The following ZNF626 variants were observed in gnomAD, a reference collection of about 807,000 sequenced individuals.
ZNF626 encodes CTC-513N18.7.
Under a neutral mutation model 11.7 loss-of-function variants are expected in ZNF626, and 4 were observed. The ratio of observed to expected loss-of-function variants is 0.34; its 90% confidence interval spans 0.17 to 0.78. The LOEUF (loss-of-function observed/expected upper bound fraction) is 0.78. ZNF626 is among the 30% of genes least tolerant of loss of function. The pLI is 0.57. For missense variants in ZNF626, 588 were observed against 587.1 expected, an observed-to-expected ratio of 1.00 and a Z score of -0.01; for synonymous variants, 179 against 198.6, an observed-to-expected ratio of 0.90 and a Z score of 0.83.
rs71174720 is a variant in ZNF626 at position 20,621,124 on chromosome 19, T to TC, written c.*3165dup. The TC allele has an allele frequency of 1, 152,095 of 152,110 alleles. 76,040 individuals carry two copies. Among genetic ancestry groups the TC allele is most frequent in the Non-Finnish European group, 1 (68,266 of 68,266 alleles). 9.4% of individuals were successfully genotyped at this position (152,110 alleles called of 1,614,324 possible). A position where few individuals can be genotyped will look rare whatever the true frequency, so the allele number is the denominator to read the frequency against. On this transcript the variant is annotated 3_prime_UTR_variant, in exon 4 of 4. Coordinates refer to ENST00000601440, the MANE Select transcript of ZNF626 (RefSeq NM_001076675.3). ...CTGGGATTACAGGTGTAAGCCACTG[T>TC]CCTGGCTTTTTTCTTTCTTTTTGAG...
chr19:20,620,844 T>C lies in ZNF626; in HGVS notation c.*3446A>G. On this transcript the variant is annotated 3_prime_UTR_variant, in exon 4 of 4. Coordinates refer to ENST00000601440, the MANE Select transcript of ZNF626 (RefSeq NM_001076675.3). ...GAGGCACTGCACATGGCCGTATTTT[T>C]TCTTTTTTTTTTTGTGACGGAGTCT... 1.8e-5 allele frequency: 1 copy of C among 56,196 alleles called. No individual in the cohort carries two copies. The allele number at this position is 56,196 out of a possible 1,614,324, so 3.5% of individuals were successfully genotyped here.
chr19:20,640,246 T>C (rs1428944419), intron 3 of ZNF626, among the ~76,000 whole-genome samples: 1 of 47,818 alleles, frequency 2.1e-5, no homozygotes, highest in African/African-American at 1.8e-4. Context: ...AATTATTAAT[T>C]TTAATTATTA....
intron 1 of ZNF626, among the ~76,000 whole-genome samples, chr19:20,654,444 TTA>T (rs1970182448): frequency 7.3e-6 from 1 of 136,650 alleles, no homozygotes; most frequent in Non-Finnish European, 1.6e-5. Context: ...GCGCGGTGGC[TTA>T]CACTGTAATC....
At position 20,661,457 on chromosome 19, in the gene ZNF626, C is replaced by T; in HGVS notation, c.-11G>A. 6.2e-7 allele frequency: 1 copy of T among 1,613,812 alleles called. No homozygotes were observed. Among genetic ancestry groups the T allele is most frequent in the Non-Finnish European group, 8.5e-7 (1 of 1,179,806 alleles). ...CCTCACTCTCACCATTTTTGGCTTCCAGGAGGTCCCGGTGTCTTAGCTGTG... is the reference window on the plus strand; with the variant it reads ...CCTCACTCTCACCATTTTTGGCTTCTAGGAGGTCCCGGTGTCTTAGCTGTG... On this transcript the variant is annotated 5_prime_UTR_variant, in exon 1 of 4. Coordinates refer to ENST00000601440, the MANE Select transcript of ZNF626 (RefSeq NM_001076675.3).
chr19:20,635,672 A>C (rs1555770846), intron 3 of ZNF626, among the ~76,000 whole-genome samples: 2 of 152,346 alleles, frequency 1.3e-5, no homozygotes, highest in East Asian at 3.9e-4. Context: ...ATAACGCATA[A>C]GTAAAAATAA....
Position 20,623,880 on chromosome 19 carries a change from AT to A in ZNF626, c.*409del. 2 of 351,820 alleles carry A rather than the reference AT, an allele frequency of 5.7e-6. No individual in the cohort carries two copies. Among genetic ancestry groups the A allele is most frequent in the Non-Finnish European group, 1.1e-5 (2 of 180,840 alleles). 21.8% of individuals were successfully genotyped at this position (351,820 alleles called of 1,614,324 possible). A position where few individuals can be genotyped will look rare whatever the true frequency, so the allele number is the denominator to read the frequency against. ...CTTGTAGGGTTTCTTTCCAGTATGAATTATGTGTAATAAAGGTTGAGAAGTT... is the reference window on the plus strand; with the variant it reads ...CTTGTAGGGTTTCTTTCCAGTATGAATATGTGTAATAAAGGTTGAGAAGTT... On this transcript the variant is annotated 3_prime_UTR_variant, in exon 4 of 4. Transcript: ENST00000601440.
In ZNF626 at chr19:20,625,629, T is replaced by C; in HGVS notation, c.248A>G (p.Gln83Arg). ...CATGCTCTGCTCTGGCCAAAGGTCT[T>C]GGGCAAAATGAGAACACATTACTGA... ...KPSVMCSHFA[Q>R]DLWPEQSMKD... The change falls in exon 4 of 4, where the codon CAA becomes CGA. Residue 83 changes from glutamine (Q) to arginine (R), a missense_variant. Coordinates refer to ENST00000601440, the MANE Select transcript of ZNF626 (RefSeq NM_001076675.3). 6.5e-7 allele frequency: 1 copy of C among 1,548,332 alleles called. No homozygotes were observed. The highest frequency in any genetic ancestry group is 1.3e-5 in the South Asian group (1 of 78,644).
intron 3 of ZNF626, among the ~76,000 whole-genome samples, chr19:20,628,974 C>T (rs1467682740): frequency 1.4e-4 from 22 of 152,172 alleles, no homozygotes; most frequent in Admixed American, 8.5e-4. Flanking sequence ...GTGTAAGGAA[C>T]GGATCCAGTT....
intron 3 of ZNF626, among the ~76,000 whole-genome samples, chr19:20,628,114 A>G (rs1294070410): frequency 1.3e-5 from 2 of 152,036 alleles, no homozygotes; most frequent in Non-Finnish European, 2.9e-5. Context: ...TGAACTCATC[A>G]TTTTTTATGG....
At chr19:20,642,239 A>G (rs1970031673) in intron 3 of ZNF626, among the ~76,000 whole-genome samples, 1 of 152,212 alleles carries the variant, frequency 6.6e-6, no homozygotes, top group Admixed American at 6.5e-5. Context: ...GTACAAACAG[A>G]ATTGCAAATT....
chr19:20,628,453 C>G (rs34818487), intron 3 of ZNF626, among the ~76,000 whole-genome samples: 21,809 of 152,046 alleles, frequency 0.14, 1,684 homozygotes, highest in Middle Eastern at 0.19. Context: ...TGTTTCCTGA[C>G]TTTTTAATGA....
chr19:20,634,994 A>C (rs1969951259), intron 3 of ZNF626, among the ~76,000 whole-genome samples: 1 of 152,250 alleles, frequency 6.6e-6, no homozygotes. Context: ...CAACAGGTTA[A>C]AACAATACAA....
At chr19:20,651,298 T>C (rs1354989381) in intron 1 of ZNF626, among the ~76,000 whole-genome samples, 1 of 151,682 alleles carries the variant, frequency 6.6e-6, no homozygotes, top group Non-Finnish European at 1.5e-5. Flanking sequence ...ATGTCCAATA[T>C]TTTGGACATA....
chr19:20,661,568 A>C lies in ZNF626; in HGVS notation c.-122T>G. On this transcript the variant is annotated 5_prime_UTR_variant, in exon 1 of 4. Transcript: ENST00000601440. ...GACCTGGAGCTCTGACTGCAGCGAG[A>C]GACAAAGGCCGCACCAAACCCGGAA... The C allele has an allele frequency of 8.5e-7, 1 of 1,177,838 alleles. No individual in the cohort carries two copies. Among genetic ancestry groups the C allele is most frequent in the Non-Finnish European group, 1.2e-6 (1 of 817,470 alleles). The allele number at this position is 1,177,838 out of a possible 1,614,324, so 73.0% of individuals were successfully genotyped here.
rs1969779798 is a variant in ZNF626, at chr19:20,623,426, G to A, written c.*864C>T. On this transcript the variant is annotated 3_prime_UTR_variant, in exon 4 of 4. Coordinates refer to ENST00000601440, the MANE Select transcript of ZNF626 (RefSeq NM_001076675.3). ...TTTTTTATGTATAGAAAGGATGGAA[G>A]TGTTGAAAAAAGCACTGTCACATCT... 6.6e-6 allele frequency: 1 copy of A among 152,308 alleles called. No homozygotes were observed. Among genetic ancestry groups the A allele is most frequent in the African/African-American group, 2.4e-5 (1 of 41,422 alleles). 9.4% of individuals were successfully genotyped at this position (152,308 alleles called of 1,614,324 possible).
At chr19:20,642,597 AAAC>A (rs1268225360) in intron 3 of ZNF626, among the ~76,000 whole-genome samples, 64 of 152,200 alleles carry the variant, frequency 4.2e-4, no homozygotes, top group Middle Eastern at 6.8e-3. Flanking sequence ...CTTCCTCTCA[AAAC>A]AACAACAACA....
At chr19:20,650,609 G>A (rs1314294615) in intron 1 of ZNF626, among the ~76,000 whole-genome samples, 1 of 152,172 alleles carries the variant, frequency 6.6e-6, no homozygotes, top group Non-Finnish European at 1.5e-5. Flanking sequence ...GGTAGGGTCA[G>A]ACGTAAATAA....
At chr19:20,641,991 C>T (rs1311455461) in intron 3 of ZNF626, among the ~76,000 whole-genome samples, 1 of 151,218 alleles carries the variant, frequency 6.6e-6, no homozygotes, top group Non-Finnish European at 1.5e-5. Context: ...AATCACAAAA[C>T]TGTTTCTCTC....
At chr19:20,649,316 T>C (rs1555772295) in intron 1 of ZNF626, among the ~76,000 whole-genome samples, 4 of 152,166 alleles carry the variant, frequency 2.6e-5, no homozygotes, top group African/African-American at 7.2e-5. Flanking sequence ...TCAGGAACAA[T>C]GAGCTGCTCC....
Sources: allele counts gnomAD v4.1 joint callset (sites outside exome capture counted in the v4.1 genomes callset), GRCh38; gene constraint gnomAD v4.1.1; transcripts MANE v1.5; gene names NCBI Gene and HGNC (gene_info 2026-07-23, HGNC 2026-07-21).